SASH1: variants seen among roughly 807,000 people sequenced by gnomAD.
SASH1 encodes SAM and SH3 domain-containing protein 1.
A neutral mutation model predicts 125.2 loss-of-function variants in SASH1; 44 were observed. The ratio of observed to expected loss-of-function variants is 0.35; its 90% CI spans 0.28 to 0.45. The LOEUF is 0.45. Among genes scored for constraint, SASH1 ranks in the 20% least tolerant of loss-of-function variants. The pLI, the probability that SASH1 is intolerant of heterozygous loss-of-function variation, is 1.00. For synonymous variants in SASH1, 639 were observed against 649.1 expected, an observed-to-expected ratio of 0.98 and a Z score of 0.24; for missense variants, 1,426 against 1,614.5, an observed-to-expected ratio of 0.88 and a Z score of 2.00.
rs147781471 is a variant in SASH1 at position 148,464,429 on chromosome 6, T to C, written c.387-4116T>C. Reference sequence around the variant, plus strand: ...TACCATACTTTTTACCCATTGACAATGAAAAAGATGAGTCCAAAGAGCAGA... The same window carrying C: ...TACCATACTTTTTACCCATTGACAACGAAAAAGATGAGTCCAAAGAGCAGA... On this transcript the variant is annotated intron_variant, in intron 4 of 19. Transcript: ENST00000367467. Among the ~76,000 whole-genome samples the C allele has an allele frequency of 8.7e-4, 133 of 152,258 alleles. 1 individual carries two copies. In the East Asian group the frequency reaches 0.017, roughly 19 times the overall value.
At chr6:148,474,362 C>T (rs1778250019) in intron 7 of SASH1, 140 bp downstream of exon 7, 3 of 555,990 alleles carry the variant, frequency 5.4e-6, no homozygotes, top group Non-Finnish European at 9.6e-6. Flanking sequence ...TTGATACAAA[C>T]ATTCTACTTT....
At chr6:148,322,865 A>ACCTTTCTTTCTTTCTTACTT (rs1554234510) in intron 1 of SASH1, among the ~76,000 whole-genome samples, 1 of 143,126 alleles carries the variant, frequency 7.0e-6, no homozygotes, top group Non-Finnish European at 1.5e-5. Context: ...CATCCAAATC[A>ACCTTTCTTTCTTTCTTACTT]TCTTTCTTTC....
intron 1 of SASH1, among the ~76,000 whole-genome samples, chr6:148,350,025 T>C (rs9485283): frequency 0.23 from 34,831 of 151,800 alleles, 4,345 homozygotes; most frequent in East Asian, 0.28. Flanking sequence ...TTTTGTATTT[T>C]TAGTAGAGAT....
chr6:148,352,555 C>A (rs1781769158), intron 1 of SASH1, among the ~76,000 whole-genome samples: 1 of 151,552 alleles, frequency 6.6e-6, no homozygotes, highest in South Asian at 2.1e-4. Flanking sequence ...CAAGATCACA[C>A]CACCGTACTC....
Position 148,474,210 on chromosome 6 carries a change from A to G in SASH1, c.615A>G (p.Glu205=). 6.3e-7 allele frequency: 1 copy of G among 1,593,424 alleles called. No homozygotes were observed. Among genetic ancestry groups the G allele is most frequent in the Middle Eastern group, 1.7e-4 (1 of 6,048 alleles). ...MVKEKMITIE[E]ALARLKEYEA... ...AAGAAAAGATGATCACAATTGAGGA[A>G]GCACTTGCTAGGGTAAGCATGCAGA... Residue 205 remains glutamate (E), a synonymous_variant, in exon 7 of 20, where the codon GAA becomes GAG. Coordinates refer to ENST00000367467, the MANE Select transcript of SASH1 (RefSeq NM_015278.5).
At chr6:148,310,742 G>T (rs1236636600) in intron 1 of SASH1, among the ~76,000 whole-genome samples, 1 of 151,966 alleles carries the variant, frequency 6.6e-6, no homozygotes, top group Non-Finnish European at 1.5e-5. Context: ...CACATGAAAA[G>T]ATACTCAACA....
the SASH1 span, among the ~76,000 whole-genome samples, chr6:148,215,225 C>G: frequency 1.3e-5 from 2 of 152,278 alleles, no homozygotes; most frequent in Admixed American, 1.3e-4. Flanking sequence ...TGCTTTCGGC[C>G]TAAAACCACC....
the SASH1 span, among the ~76,000 whole-genome samples, chr6:148,261,368 T>C: frequency 6.6e-6 from 1 of 152,126 alleles, no homozygotes; most frequent in African/African-American, 2.4e-5. Flanking sequence ...TCCTTGCCTT[T>C]CTCCTACTTA....
rs746374910 is a variant in SASH1 at position 148,533,786 on chromosome 6, G to A, written c.1750G>A (p.Asp584Asn). Reference sequence around the variant, plus strand: ...TGGGCCACAGAAAGGAGATATCATCGATATAATCAGCAAGCCACCCATGGG... The same window carrying A: ...TGGGCCACAGAAAGGAGATATCATCAATATAATCAGCAAGCCACCCATGGG... The part of the protein sequence containing the change: ...SLKLKKGDII[D>N]IISKPPMGTW... Residue 584 changes from aspartate (D) to asparagine (N), a missense_variant, in exon 15 of 20, where the codon GAT becomes AAT. Transcript: ENST00000367467. This position sits in a 1 kb window ranked among gnomAD's most constrained non-coding sequence, Gnocchi z 6.2. 22 of 1,613,108 alleles carry A rather than the reference G, an allele frequency of 1.4e-5. No homozygotes were observed. The highest frequency in any genetic ancestry group is 1.4e-5 in the Non-Finnish European group (17 of 1,179,828).
intron 1 of SASH1, among the ~76,000 whole-genome samples, chr6:148,333,913 C>T (rs545717175): frequency 6.6e-6 from 1 of 151,786 alleles, no homozygotes; most frequent in Non-Finnish European, 1.5e-5. Flanking sequence ...AGCTCTGCCT[C>T]TTGGGTTCAA....
At chr6:148,383,907 T>C (rs1400553636) in intron 1 of SASH1, among the ~76,000 whole-genome samples, 1 of 152,156 alleles carries the variant, frequency 6.6e-6, no homozygotes, top group Non-Finnish European at 1.5e-5. Context: ...ATGCCCCTTA[T>C]CTCTGTATTT....
At chr6:148,377,184 CAAAAAA>C (rs1205507255) in intron 1 of SASH1, among the ~76,000 whole-genome samples, 3 of 38,144 alleles carry the variant, frequency 7.9e-5, no homozygotes, top group Admixed American at 5.2e-4. Context: ...AAAAAAAAAA[CAAAAAA>C]AAAACAAAAA....
At chr6:148,422,908 A>G (rs1474818263) in intron 2 of SASH1, among the ~76,000 whole-genome samples, 1 of 152,102 alleles carries the variant, frequency 6.6e-6, no homozygotes, top group African/African-American at 2.4e-5. Context: ...AAATAATATG[A>G]TATCTATCCG....
chr6:148,252,676 G>A, the SASH1 span, among the ~76,000 whole-genome samples: 51 of 152,000 alleles, frequency 3.4e-4, 1 homozygote, highest in South Asian at 8.3e-3. Context: ...GCAGGGTTTC[G>A]CCATGTTGGC....
At chr6:148,481,297 T>C (rs1182487312) in intron 7 of SASH1, among the ~76,000 whole-genome samples, 5 of 152,208 alleles carry the variant, frequency 3.3e-5, no homozygotes, top group Non-Finnish European at 7.3e-5. Context: ...GTTCTGATCT[T>C]CTACGCAGAC....
intron 8 of SASH1, chr6:148,513,574 G>A: frequency 3.0e-6 from 3 of 985,638 alleles, no homozygotes; most frequent in Non-Finnish European, 2.4e-6. Context: ...TCTCTGTAAT[G>A]TTTGATACTT....
In SASH1 at chr6:148,468,552, C is replaced by G. The variant is rs143701801; in HGVS notation, c.394C>G (p.Leu132Val). 2,118 of 1,609,350 alleles carry G rather than the reference C, an allele frequency of 1.3e-3. 4 individuals carry two copies. Among genetic ancestry groups the G allele is most frequent in the Non-Finnish European group, 1.6e-3 (1,908 of 1,176,648 alleles). Reference protein sequence around the residue: ...STPEVERKNPLHKSNSEDSSV... With the variant: ...STPEVERKNPVHKSNSEDSSV... ...TTTGTTTTTCTTTTCTAGGAACCCT[C>G]TTCATAAATCAAACTCAGAAGACAG... The change falls in exon 5 of 20, where the codon CTT (leucine) becomes GTT (valine). Residue 132 changes from leucine to valine, a missense_variant. By Grantham distance (32) the Leu-to-Val change is conservative (BLOSUM62 1). This residue lies in a region of SASH1 where 567 missense variants were observed against 575.6 expected (regional missense o/e 0.99). Transcript: ENST00000367467.
At chr6:148,252,483 TC>T in the SASH1 span, among the ~76,000 whole-genome samples, 2 of 148,470 alleles carry the variant, frequency 1.3e-5, no homozygotes, top group East Asian at 1.9e-4. Flanking sequence ...TGGTTTTTTT[TC>T]TTTTTTTTTT....
At chr6:148,409,095 G>T (rs1784495126) in intron 2 of SASH1, among the ~76,000 whole-genome samples, 1 of 152,226 alleles carries the variant, frequency 6.6e-6, no homozygotes, top group Non-Finnish European at 1.5e-5. Context: ...TACCTGCATT[G>T]CAGTTTTATG....
Sources: allele counts gnomAD v4.1 joint callset (sites outside exome capture counted in the v4.1 genomes callset), GRCh38; gene constraint gnomAD v4.1.1; regional missense constraint gnomAD v4.1.1; non-coding constraint Gnocchi (gnomAD v3.1); transcripts MANE v1.5; gene names NCBI Gene and HGNC (gene_info 2026-07-23, HGNC 2026-07-21).